KCNH5: variants seen among roughly 807,000 people sequenced by gnomAD.
The protein encoded by KCNH5 is voltage-gated delayed rectifier potassium channel KCNH5.
In KCNH5, 46 loss-of-function variants were observed where a neutral mutation model predicts 96.1. The observed-to-expected ratio is 0.48, with a 90% confidence interval of 0.38 to 0.61. The LOEUF (loss-of-function observed/expected upper bound fraction) is 0.61, where lower values mean the gene tolerates loss of function less well. Among genes scored for constraint, KCNH5 ranks in the 20% least tolerant of loss-of-function variants. KCNH5 has a pLI of 0.00. For synonymous variants in KCNH5, 439 were observed against 449.8 expected (o/e 0.98, Z 0.30); for missense variants, 907 against 1,225.8 (o/e 0.74, Z 3.88).
At chr14:62,770,715 T>C (rs1480628082) in intron 10 of KCNH5, among the ~76,000 whole-genome samples, 2 of 152,226 alleles carry the variant, frequency 1.3e-5, no homozygotes, top group Non-Finnish European at 2.9e-5. Context: ...GCCCAGAAGT[T>C]ATAAAAATCA....
chr14:62,963,359 G>T (rs1594648394), intron 6 of KCNH5, among the ~76,000 whole-genome samples: 1 of 152,170 alleles, frequency 6.6e-6, no homozygotes, highest in East Asian at 1.9e-4. Context: ...GGGTAAAAGG[G>T]AATAACTGTA....
At chr14:63,003,533 A>T (rs1260156603) in intron 3 of KCNH5, among the ~76,000 whole-genome samples, 7 of 112,296 alleles carry the variant, frequency 6.2e-5, no homozygotes, top group Non-Finnish European at 1.3e-4. Context: ...TTTTATATAT[A>T]TTATATATTA....
At chr14:62,724,386 A>G (rs1418105882) in intron 10 of KCNH5, among the ~76,000 whole-genome samples, 1 of 152,192 alleles carries the variant, frequency 6.6e-6, no homozygotes, top group Non-Finnish European at 1.5e-5. Flanking sequence ...ATCTTTGAAT[A>G]TACAACAACA....
chr14:62,926,381 C>T (rs1251386165), intron 7 of KCNH5, among the ~76,000 whole-genome samples: 2 of 152,004 alleles, frequency 1.3e-5, no homozygotes. Context: ...AATCTAAAGT[C>T]CCCAAAGAAG....
At position 62,705,262 on chromosome 14, in the gene KCNH5, T is replaced by C. The variant is rs1296430785; in HGVS notation, c.*2246A>G. 6.6e-6 allele frequency: 1 copy of C among 152,052 alleles called. No individual in the cohort carries two copies. The highest frequency in any genetic ancestry group is 1.5e-5 in the Non-Finnish European group (1 of 67,888). 9.4% of individuals were successfully genotyped at this position (152,052 alleles called of 1,614,324 possible). A position where few individuals can be genotyped will look rare whatever the true frequency, so the allele number is the denominator to read the frequency against. ...CATGTTGTTCACAGTCATTCTTTTA[T>C]AGCTTTACACCAATAGTTAGTTTTG... On this transcript the variant is annotated 3_prime_UTR_variant, in exon 11 of 11. Transcript: ENST00000322893.
At chr14:62,727,086 C>T (rs902016014) in intron 10 of KCNH5, among the ~76,000 whole-genome samples, 5 of 152,066 alleles carry the variant, frequency 3.3e-5, no homozygotes, top group Non-Finnish European at 4.4e-5. Flanking sequence ...TGAGTAGGGG[C>T]AGGCAGAGTG....
intron 6 of KCNH5, among the ~76,000 whole-genome samples, chr14:62,972,976 T>C (rs1326113904): frequency 6.6e-6 from 1 of 152,118 alleles, no homozygotes; most frequent in Non-Finnish European, 1.5e-5. Context: ...ATGTACAAAA[T>C]CAAGAGTGAA....
At chr14:62,781,650 T>C (rs999035960) in intron 9 of KCNH5, among the ~76,000 whole-genome samples, 1 of 152,222 alleles carries the variant, frequency 6.6e-6, no homozygotes, top group Non-Finnish European at 1.5e-5. Flanking sequence ...CATTTGCTTT[T>C]GAAAGAAGAG....
chr14:62,823,516 T>C (rs901913809), intron 8 of KCNH5, among the ~76,000 whole-genome samples: 2 of 151,978 alleles, frequency 1.3e-5, no homozygotes, highest in African/African-American at 4.8e-5. Context: ...TTAGCAGCAG[T>C]TCATTAACTT....
chr14:62,934,133 TTTC>T (rs201025436), intron 7 of KCNH5, among the ~76,000 whole-genome samples: 2,293 of 101,356 alleles, frequency 0.023, 30 homozygotes, highest in East Asian at 0.11. Flanking sequence ...TCTTTCTTTC[TTTC>T]TTTTTTTTTT....
chr14:62,970,162 T>C (rs1305964702), intron 6 of KCNH5, among the ~76,000 whole-genome samples: 1 of 149,654 alleles, frequency 6.7e-6, no homozygotes, highest in Non-Finnish European at 1.5e-5. Flanking sequence ...GGGACACTAC[T>C]ACAAATTCCA....
chr14:62,951,162 A>C (rs1449176918), intron 6 of KCNH5, among the ~76,000 whole-genome samples: 1 of 152,176 alleles, frequency 6.6e-6, no homozygotes, highest in East Asian at 1.9e-4. Flanking sequence ...ACGTGAACAG[A>C]GCTGAACCTG....
intron 10 of KCNH5, among the ~76,000 whole-genome samples, chr14:62,767,175 A>G (rs766991715): frequency 6.6e-6 from 1 of 152,200 alleles, no homozygotes; most frequent in Non-Finnish European, 1.5e-5. Context: ...AAAAAACAAC[A>G]GATTCTGTTG....
chr14:62,743,512 T>C (rs1885314885), intron 10 of KCNH5, among the ~76,000 whole-genome samples: 1 of 152,224 alleles, frequency 6.6e-6, no homozygotes, highest in African/African-American at 2.4e-5. Context: ...TAAAATTTAA[T>C]TATGTTAACT....
At chr14:62,722,120 C>G (rs766336702) in intron 10 of KCNH5, among the ~76,000 whole-genome samples, 1 of 152,136 alleles carries the variant, frequency 6.6e-6, no homozygotes, top group East Asian at 1.9e-4. Context: ...CACATCTAAG[C>G]TCATTTGAAC....
chr14:62,796,530 G>A (rs1024754178), intron 9 of KCNH5, among the ~76,000 whole-genome samples: 26 of 152,170 alleles, frequency 1.7e-4, no homozygotes, highest in Admixed American at 3.9e-4. Flanking sequence ...GACTTAGATA[G>A]AGATTGTCTT....
intron 3 of KCNH5, among the ~76,000 whole-genome samples, chr14:63,001,955 C>A (rs1205509482): frequency 6.6e-6 from 1 of 152,198 alleles, no homozygotes; most frequent in East Asian, 1.9e-4. Flanking sequence ...AATACTGTTT[C>A]TATCCCAAGG....
intron 10 of KCNH5, among the ~76,000 whole-genome samples, chr14:62,746,476 C>T (rs1885377438): frequency 6.6e-6 from 1 of 152,222 alleles, no homozygotes; most frequent in East Asian, 1.9e-4. Context: ...TTTGCTGAAG[C>T]TTTGAGGCAA....
chr14:63,033,583 C>T (rs1460666070), intron 1 of KCNH5, among the ~76,000 whole-genome samples: 1 of 152,170 alleles, frequency 6.6e-6, no homozygotes, highest in East Asian at 1.9e-4. Flanking sequence ...TTGGTGAACG[C>T]CTGCCTCCCC....
Sources: allele counts gnomAD v4.1 joint callset (sites outside exome capture counted in the v4.1 genomes callset), GRCh38; gene constraint gnomAD v4.1.1; transcripts MANE v1.5; gene names NCBI Gene and HGNC (gene_info 2026-07-23, HGNC 2026-07-21).